Variants in SLC5A12 observed in about 807,000 individuals in gnomAD.
SLC5A12 encodes solute carrier family 5 member 12.
A neutral mutation model predicts 72.7 loss-of-function variants in SLC5A12; 46 were observed. The observed-to-expected ratio is 0.63, with a 90% CI of 0.50 to 0.81. The LOEUF is 0.81. Among genes scored for constraint, SLC5A12 ranks in the 30% least tolerant of loss-of-function variants. The pLI, the probability that SLC5A12 is intolerant of heterozygous loss-of-function variation, is 0.00. For missense variants in SLC5A12, 683 were observed against 740.7 expected, an observed-to-expected ratio of 0.92 and a Z score of 0.90; for synonymous variants, 275 against 264.4, an observed-to-expected ratio of 1.04 and a Z score of -0.39.
chr11:26,667,892 T>A lies in SLC5A12; in HGVS notation c.*3210A>T, dbSNP rs887868679. ...TTCTGATCCCACATCTTAAAAATCC[T>A]GAAGAGAAATAATGAAACCATTTAA... On this transcript the variant is annotated 3_prime_UTR_variant, in exon 15 of 15. Coordinates refer to ENST00000396005, the MANE Select transcript of SLC5A12 (RefSeq NM_178498.4). The A allele has an allele frequency of 4.6e-5, 7 of 152,016 alleles. No individual in the cohort carries two copies. The highest frequency in any genetic ancestry group is 1.7e-4 in the African/African-American group (7 of 41,422). 9.4% of individuals were successfully genotyped at this position (152,016 alleles called of 1,614,324 possible).
chr11:26,722,112 G>A (rs77513830), upstream of SLC5A12: 222 of 170,068 alleles, frequency 1.3e-3, 2 homozygotes, highest in African/African-American at 4.9e-3. Flanking sequence ...TTTAACTTAA[G>A]GTTAAACATT....
In SLC5A12 at chr11:26,683,748, G is replaced by A. The variant is rs748590607; in HGVS notation, c.1308+9C>T. Reference sequence around the variant, plus strand: ...CTGGGAATTGTGAAGAGGGCTGTGGGATCCTTACCTTCCAATTCACAAAAG... The same window carrying A: ...CTGGGAATTGTGAAGAGGGCTGTGGAATCCTTACCTTCCAATTCACAAAAG... On this transcript the variant is annotated intron_variant, in intron 11 of 14. Transcript: ENST00000396005. 5 of 1,574,680 alleles carry A rather than the reference G, an allele frequency of 3.2e-6. No individual in the cohort carries two copies. In the East Asian group the frequency reaches 9.2e-5, roughly 29 times the overall value.
intron 13 of SLC5A12, among the ~76,000 whole-genome samples, chr11:26,678,355 AAT>A (rs2133138488): frequency 6.6e-6 from 1 of 151,890 alleles, no homozygotes; most frequent in African/African-American, 2.4e-5. Flanking sequence ...GAAATGTTTG[AAT>A]ATATGTTTTT....
chr11:26,697,892 C>CTTTTTTTTTTTTTT (rs34284911), intron 7 of SLC5A12, among the ~76,000 whole-genome samples: 1 of 93,970 alleles, frequency 1.1e-5, no homozygotes, highest in Non-Finnish European at 1.9e-5. Flanking sequence ...GAGATGCCGT[C>CTTTTTTTTTTTTTT]TTTTTTTTTT....
chr11:26,706,060 C>T (rs1276921646), intron 4 of SLC5A12, among the ~76,000 whole-genome samples: 2 of 151,838 alleles, frequency 1.3e-5, no homozygotes, highest in Non-Finnish European at 2.9e-5. Context: ...CTAATGTTTG[C>T]CCTACTAAAC....
rs372707751 is a variant in SLC5A12 at position 26,703,809 on chromosome 11, G to A, written c.664C>T (p.Arg222Ter). The A allele has an allele frequency of 5.6e-6, 9 of 1,613,712 alleles. No individual in the cohort carries two copies. The highest frequency in any genetic ancestry group is 2.7e-5 in the African/African-American group (2 of 74,882). ...TGGACATACTCAAATATATGTAGTC[G>A]AGATCCATTTGTTGATTGCTCTAAT... ...NVLEQSTNGS[R>*]LHIFDFDVDP... The change falls in exon 5 of 15, where the codon CGA (arginine) becomes TGA (stop). Residue 222 changes from arginine to a stop codon, truncating the protein, a stop_gained. Transcript: ENST00000396005. LOFTEE classifies it high-confidence loss of function.
intron 1 of SLC5A12, among the ~76,000 whole-genome samples, chr11:26,720,618 A>G (rs1407961495): frequency 6.6e-6 from 1 of 152,078 alleles, no homozygotes; most frequent in Non-Finnish European, 1.5e-5. Flanking sequence ...TAGGAATGAT[A>G]TTGGATAATG....
intron 1 of SLC5A12, among the ~76,000 whole-genome samples, chr11:26,717,245 C>T (rs1855371256): frequency 6.6e-6 from 1 of 151,716 alleles, no homozygotes; most frequent in African/African-American, 2.4e-5. Flanking sequence ...AAATAGTAGC[C>T]CGGGCATTAT....
rs543534378 is a variant in SLC5A12 at position 26,687,631 on chromosome 11, T to C, written c.1154-1087A>G. ...ACAGTGCCTGGCACGCAGCAAGTAC[T>C]ATGTATTTATCATTTTTATTATTTT... On this transcript the variant is annotated intron_variant, in intron 9 of 14. Transcript: ENST00000396005. 1.1e-3 allele frequency among the ~76,000 whole-genome samples: 164 copies of C among 152,346 alleles called. 2 individuals carry two copies. The highest frequency in any genetic ancestry group is 1.9e-3 in the South Asian group (9 of 4,826).
At chr11:26,697,657 C>T (rs1854854358) in intron 7 of SLC5A12, among the ~76,000 whole-genome samples, 1 of 152,120 alleles carries the variant, frequency 6.6e-6, no homozygotes, top group Non-Finnish European at 1.5e-5. Flanking sequence ...ACCATGTTTA[C>T]TGTAGTATAT....
rs1442189822 is a variant in SLC5A12 at position 26,681,066 on chromosome 11, T to C, written c.1464A>G (p.Val488=). 1 of 1,606,346 alleles carries C rather than the reference T, an allele frequency of 6.2e-7. No homozygotes were observed. Among genetic ancestry groups the C allele is most frequent in the Non-Finnish European group, 8.5e-7 (1 of 1,176,160 alleles). Residue 488 remains valine, a synonymous_variant, in exon 12 of 15, where the codon GTA becomes GTG. Coordinates refer to ENST00000396005, the MANE Select transcript of SLC5A12 (RefSeq NM_178498.4). The part of the protein sequence containing the change: ...KSNVTATGPP[V]LSSRPGIADT... ...TAAAGTCAGCATACCTGCTGGATAG[T>C]ACTGGAGGCCCTGTTGCTGTCACAT...
At chr11:26,701,677 A>T (rs1854961130) in intron 6 of SLC5A12, among the ~76,000 whole-genome samples, 1 of 152,166 alleles carries the variant, frequency 6.6e-6, no homozygotes, top group Non-Finnish European at 1.5e-5. Flanking sequence ...GAAATTTCCT[A>T]ACTAGATAAC....
At chr11:26,711,015 C>G (rs1234748259) in intron 3 of SLC5A12, among the ~76,000 whole-genome samples, 1 of 151,728 alleles carries the variant, frequency 6.6e-6, no homozygotes, top group African/African-American at 2.4e-5. Flanking sequence ...TATACAATAC[C>G]GAAACTGCCA....
At chr11:26,673,846 C>T (rs1404114543) in intron 13 of SLC5A12, among the ~76,000 whole-genome samples, 1 of 152,084 alleles carries the variant, frequency 6.6e-6, no homozygotes, top group Non-Finnish European at 1.5e-5. Flanking sequence ...AGTAATTATG[C>T]AATTTCTTCC....
At chr11:26,696,670 T>C (rs12574390) in intron 8 of SLC5A12, among the ~76,000 whole-genome samples, 42,741 of 152,038 alleles carry the variant, frequency 0.28, 6,455 homozygotes, top group East Asian at 0.44. Context: ...TACTTAACCA[T>C]AGAAAAGGTA....
intron 9 of SLC5A12, among the ~76,000 whole-genome samples, chr11:26,690,590 C>A (rs954179842): frequency 6.8e-6 from 1 of 147,262 alleles, no homozygotes; most frequent in Non-Finnish European, 1.5e-5. Flanking sequence ...GCCGGGGGAT[C>A]ACCTGAGGTT....
intron 10 of SLC5A12, among the ~76,000 whole-genome samples, chr11:26,684,573 A>G (rs1590714138): frequency 6.6e-6 from 1 of 152,110 alleles, no homozygotes; most frequent in East Asian, 1.9e-4. Flanking sequence ...GCCTATCAAC[A>G]TCTCTTAAAC....
At chr11:26,695,380 T>G (rs535329108) in intron 8 of SLC5A12, among the ~76,000 whole-genome samples, 1 of 152,148 alleles carries the variant, frequency 6.6e-6, no homozygotes, top group East Asian at 1.9e-4. Context: ...ACAAAGAAAA[T>G]AAAGCAGGAA....
chr11:26,686,519 G>GGT lies in SLC5A12; in HGVS notation c.1177_1178dup (p.Ser394ProfsTer41), dbSNP rs1448470392. The GGT allele has an allele frequency of 6.2e-7, 1 of 1,613,742 alleles. No individual in the cohort carries two copies. Among genetic ancestry groups the GGT allele is most frequent in the Non-Finnish European group, 8.5e-7 (1 of 1,179,884 alleles). On this transcript the variant is annotated frameshift_variant, in exon 10 of 15. Transcript: ENST00000396005. LOFTEE classifies it high-confidence loss of function. ...TGACAGATGCAGCCACAGCCATAGA[G>GGT]GTACACATCACGCCAAATAAGAGAC...
Sources: gnomAD v4.1 joint callset for allele counts (sites outside exome capture counted in the v4.1 genomes callset) on GRCh38, gnomAD v4.1.1 for gene constraint, MANE v1.5 for transcripts, NCBI Gene and HGNC (gene_info 2026-07-23, HGNC 2026-07-21) for gene names.